SARDH: variants seen among roughly 807,000 people sequenced by gnomAD.
SARDH encodes the protein sarcosine dehydrogenase, also known as sarcosine dehydrogenase, mitochondrial.
SARDH carries 95 observed loss-of-function variants against 109.1 expected under a neutral mutation model. The ratio of observed to expected loss-of-function variants is 0.87; its 90% CI spans 0.74 to 1.03. The LOEUF (loss-of-function observed/expected upper bound fraction) is 1.03, where lower values mean the gene tolerates loss of function less well. SARDH is among the 50% of genes least tolerant of loss of function. The probability of loss-of-function intolerance (pLI) is 0.00; values close to 1 mark genes in which losing one functional copy is unlikely to be tolerated. For missense variants in SARDH, 1,267 were observed against 1,287.8 expected, an observed-to-expected ratio of 0.98 and a Z score of 0.25; for synonymous variants, 572 against 534.8, an observed-to-expected ratio of 1.07 and a Z score of -0.96.
At chr9:133,733,797 G>A (rs1351863864) in intron 2 of SARDH, 46 bp downstream of exon 2, 50 of 1,412,152 alleles carry the variant, frequency 3.5e-5, no homozygotes, top group East Asian at 1.1e-4. Context: ...GTGGCCCCTC[G>A]CTATGTCCTA....
chr9:133,697,965 T>C (rs1320103648), intron 13 of SARDH, among the ~76,000 whole-genome samples: 1 of 121,112 alleles, frequency 8.3e-6, no homozygotes, highest in African/African-American at 3.1e-5. Context: ...CATCCCTATT[T>C]GCCAAAACAG....
At chr9:133,689,670 T>G (rs1406533899) in intron 16 of SARDH, among the ~76,000 whole-genome samples, 1 of 152,150 alleles carries the variant, frequency 6.6e-6, no homozygotes, top group Non-Finnish European at 1.5e-5. Context: ...AGATGTTGGC[T>G]CAGGCTTGGC....
At chr9:133,687,033 C>T (rs900273784) in intron 16 of SARDH, among the ~76,000 whole-genome samples, 3 of 152,196 alleles carry the variant, frequency 2.0e-5, no homozygotes, top group Non-Finnish European at 2.9e-5. Flanking sequence ...CAGGGGAAGC[C>T]CAGTTCCAGG....
At chr9:133,661,359 CAA>C (rs199777050), downstream of SARDH, among the ~76,000 whole-genome samples, 1 of 148,638 alleles carries the variant, frequency 6.7e-6, no homozygotes, top group Non-Finnish European at 1.5e-5. Flanking sequence ...ACAACAACAA[CAA>C]AAAAAAACAA....
intron 6 of SARDH, among the ~76,000 whole-genome samples, chr9:133,724,803 A>G (rs1215459016): frequency 1.3e-5 from 2 of 152,148 alleles, no homozygotes; most frequent in African/African-American, 4.8e-5. Context: ...AGAATACTCC[A>G]GTGAGCATTT....
intron 17 of SARDH, among the ~76,000 whole-genome samples, chr9:133,676,861 G>A (rs968754263): frequency 2.6e-5 from 4 of 152,202 alleles, no homozygotes; most frequent in African/African-American, 4.8e-5. Flanking sequence ...GAAAGAGTCC[G>A]GGCGCAGTGG....
At chr9:133,703,925 G>A (rs1361354702) in intron 12 of SARDH, among the ~76,000 whole-genome samples, 1 of 152,182 alleles carries the variant, frequency 6.6e-6, no homozygotes, top group South Asian at 2.1e-4. Context: ...GCTCCCGGGT[G>A]GGGGTGCAAA....
chr9:133,685,032 G>A (rs1463755380), intron 17 of SARDH, among the ~76,000 whole-genome samples, 161 bp downstream of exon 17: 1 of 152,168 alleles, frequency 6.6e-6, no homozygotes, highest in African/African-American at 2.4e-5. Context: ...CAGCCTGTAG[G>A]AGGGCCGCCT....
intron 4 of SARDH, 74 bp from the exon 5 acceptor site, chr9:133,730,261 C>T: frequency 6.3e-7 from 1 of 1,575,612 alleles, no homozygotes; most frequent in Non-Finnish European, 8.6e-7. Flanking sequence ...CTCCAACCAA[C>T]CCCTCCTCCC....
chr9:133,711,099 C>A (rs1831901618), intron 10 of SARDH, among the ~76,000 whole-genome samples: 1 of 152,266 alleles, frequency 6.6e-6, no homozygotes, highest in South Asian at 2.1e-4. Flanking sequence ...GAGGCCCAGG[C>A]CTGCCCCCAA....
chr9:133,674,754 A>C (rs1012033143), intron 17 of SARDH, among the ~76,000 whole-genome samples: 26 of 152,212 alleles, frequency 1.7e-4, no homozygotes. Context: ...TGGAACAAAG[A>C]CACAAGGGTA....
At chr9:133,714,405 C>CAGGGCAG (rs1350416519) in intron 8 of SARDH, among the ~76,000 whole-genome samples, 3 of 152,186 alleles carry the variant, frequency 2.0e-5, no homozygotes, top group African/African-American at 7.2e-5. Flanking sequence ...CCTGGGTTAT[C>CAGGGCAG]AGGGCAGAGG....
rs1246966948 is a variant in SARDH at position 133,694,246 on chromosome 9, G to T, written c.1921+12C>A. 6.5e-7 allele frequency: 1 copy of T among 1,534,070 alleles called. No homozygotes were observed. The highest frequency in any genetic ancestry group is 1.2e-5 in the South Asian group (1 of 83,728). On this transcript the variant is annotated intron_variant, in intron 15 of 20. Transcript: ENST00000439388. ...GCAGTCACAGCGCCGTGTGCACAGA[G>T]GCATCCCATACCTTCAAAGGCGGGG... is the stretch of plus-strand genomic sequence containing the variant.
chr9:133,671,152 C>G, intron 18 of SARDH, among the ~76,000 whole-genome samples: 1 of 152,170 alleles, frequency 6.6e-6, no homozygotes. Flanking sequence ...GTCTGGGCTT[C>G]TTCCAGAGGC....
At chr9:133,664,455 C>T (rs1271357590) in intron 20 of SARDH, among the ~76,000 whole-genome samples, 1 of 152,188 alleles carries the variant, frequency 6.6e-6, no homozygotes, top group African/African-American at 2.4e-5. Flanking sequence ...TCTGCATGCT[C>T]CCCATCCCAC....
chr9:133,739,481 G>A (rs1218404801), upstream of SARDH, among the ~76,000 whole-genome samples: 2 of 152,192 alleles, frequency 1.3e-5, no homozygotes, highest in East Asian at 1.9e-4. Flanking sequence ...CAGGGTCCAC[G>A]AAGCAGACAG....
intron 10 of SARDH, among the ~76,000 whole-genome samples, chr9:133,711,908 C>A (rs1481752185): frequency 6.6e-6 from 1 of 152,192 alleles, no homozygotes; most frequent in Admixed American, 6.5e-5. Context: ...GGACGAGACA[C>A]AGGAGGAGCC....
At chr9:133,737,411 C>A (rs1010126010) in intron 1 of SARDH, among the ~76,000 whole-genome samples, 2 of 152,178 alleles carry the variant, frequency 1.3e-5, no homozygotes, top group African/African-American at 4.8e-5. Flanking sequence ...AGGAGGCATG[C>A]CTCCTGCATG....
chr9:133,732,483 AT>A lies in SARDH; in HGVS notation c.449del (p.Asn150MetfsTer33). 6.7e-7 allele frequency: 1 copy of A among 1,490,590 alleles called. No individual in the cohort carries two copies. The allele number at this position is 1,490,590 out of a possible 1,614,324, so 92.3% of individuals were successfully genotyped here. ...ETGLHTGWIQ[N>X]GGLFIASNRQ... ...GGTTGGACGCGATGAAGAGGCCCCCATTCTGGATCCAGCCCGTGTGTAGTCC... is the reference window on the plus strand; with the variant it reads ...GGTTGGACGCGATGAAGAGGCCCCCATCTGGATCCAGCCCGTGTGTAGTCC... On this transcript the variant is annotated frameshift_variant, in exon 3 of 21. Coordinates refer to ENST00000439388, the MANE Select transcript of SARDH (RefSeq NM_001134707.2). LOFTEE classifies it high-confidence loss of function.
Sources: allele counts gnomAD v4.1 joint callset (sites outside exome capture counted in the v4.1 genomes callset), GRCh38; gene constraint gnomAD v4.1.1; transcripts MANE v1.5; gene names NCBI Gene and HGNC (gene_info 2026-07-23, HGNC 2026-07-21).